Variants in KHDRBS3 observed in about 807,000 individuals in gnomAD.
KHDRBS3 encodes the protein KH domain-containing, RNA-binding, signal transduction-associated protein 3.
Under a neutral mutation model 45.6 loss-of-function variants are expected in KHDRBS3, and 23 were observed. The ratio of observed to expected loss-of-function variants is 0.50; its 90% confidence interval spans 0.36 to 0.72. The LOEUF (loss-of-function observed/expected upper bound fraction) is 0.72. Ranked by LOEUF, KHDRBS3 falls within the 30% of genes least tolerant of loss-of-function variation. The probability of loss-of-function intolerance (pLI) is 0.00; values close to 1 mark genes in which losing one functional copy is unlikely to be tolerated. For synonymous variants in KHDRBS3, 162 were observed against 156.5 expected (o/e 1.04, Z -0.26); for missense variants, 352 against 424.8 (o/e 0.83, Z 1.51).
chr8:135,536,152 C>T (rs1825735639), intron 2 of KHDRBS3, among the ~76,000 whole-genome samples: 1 of 151,532 alleles, frequency 6.6e-6, no homozygotes, highest in African/African-American at 2.4e-5. Flanking sequence ...TTTATTTCTC[C>T]CTGTAGATTC....
At chr8:135,594,926 T>C (rs1407684962) in intron 6 of KHDRBS3, among the ~76,000 whole-genome samples, 1 of 152,216 alleles carries the variant, frequency 6.6e-6, no homozygotes, top group East Asian at 1.9e-4. Context: ...GGAAGACGTG[T>C]GTAAGAATCC....
At chr8:135,484,060 C>T (rs975917293) in intron 1 of KHDRBS3, among the ~76,000 whole-genome samples, 9 of 152,158 alleles carry the variant, frequency 5.9e-5, no homozygotes, top group Non-Finnish European at 8.8e-5. Flanking sequence ...TTTAACCCCT[C>T]ACTACCTACA....
At chr8:135,544,712 T>G (rs1222765128) in intron 3 of KHDRBS3, among the ~76,000 whole-genome samples, 1 of 152,218 alleles carries the variant, frequency 6.6e-6, no homozygotes, top group Non-Finnish European at 1.5e-5. Context: ...GACACCCTGA[T>G]TTTACATGAT....
At chr8:135,642,152 A>T (rs1281508993) in intron 7 of KHDRBS3, among the ~76,000 whole-genome samples, 2 of 152,194 alleles carry the variant, frequency 1.3e-5, no homozygotes, top group Non-Finnish European at 2.9e-5. Context: ...CAAACAAGAG[A>T]AGTTCTGGAA....
intron 3 of KHDRBS3, 95 bp downstream of exon 3, chr8:135,542,865 G>A: frequency 1.2e-6 from 1 of 851,128 alleles, no homozygotes; most frequent in Non-Finnish European, 1.9e-6. Context: ...TACATAAGGG[G>A]ATGTATTTGT....
chr8:135,481,460 A>G (rs1272934841), intron 1 of KHDRBS3, among the ~76,000 whole-genome samples: 1 of 151,582 alleles, frequency 6.6e-6, no homozygotes, highest in Non-Finnish European at 1.5e-5. Flanking sequence ...TCTCTGTCAC[A>G]CTGGATTGGA....
intron 7 of KHDRBS3, among the ~76,000 whole-genome samples, chr8:135,635,635 G>A (rs373657684): frequency 5.3e-5 from 8 of 152,232 alleles, no homozygotes; most frequent in African/African-American, 1.9e-4. Flanking sequence ...CACCTGCCTC[G>A]GTCTCCCAAA....
At chr8:135,574,362 A>G (rs933684957) in intron 5 of KHDRBS3, among the ~76,000 whole-genome samples, 1 of 152,242 alleles carries the variant, frequency 6.6e-6, no homozygotes, top group African/African-American at 2.4e-5. Flanking sequence ...AATATCTTTT[A>G]TAGATAAGCG....
intron 1 of KHDRBS3, among the ~76,000 whole-genome samples, chr8:135,490,229 C>T (rs1451186548): frequency 6.6e-6 from 1 of 152,190 alleles, no homozygotes; most frequent in Admixed American, 6.5e-5. Context: ...TGAAGTGACA[C>T]CTGACTGTTT....
chr8:135,464,039 A>G (rs1371845254), intron 1 of KHDRBS3, among the ~76,000 whole-genome samples: 1 of 152,212 alleles, frequency 6.6e-6, no homozygotes, highest in East Asian at 1.9e-4. Context: ...CTAAGGCTCA[A>G]AAACACTAAG....
intron 7 of KHDRBS3, among the ~76,000 whole-genome samples, chr8:135,615,234 G>A (rs1829869556): frequency 6.6e-6 from 1 of 151,522 alleles, no homozygotes; most frequent in African/African-American, 2.4e-5. Flanking sequence ...CTAAAGTTTA[G>A]CCAAGCAGAG....
downstream of KHDRBS3, among the ~76,000 whole-genome samples, chr8:135,648,327 A>G (rs760085463): frequency 8.5e-5 from 13 of 152,194 alleles, no homozygotes; most frequent in Non-Finnish European, 1.3e-4. Flanking sequence ...ATTACTCCCT[A>G]TTAAACAACT....
chr8:135,610,631 C>A (rs1169237483), intron 7 of KHDRBS3, among the ~76,000 whole-genome samples: 1 of 151,774 alleles, frequency 6.6e-6, no homozygotes, highest in Non-Finnish European at 1.5e-5. Flanking sequence ...AGGAGAAATT[C>A]ATTGTTTTCA....
chr8:135,528,971 T>A (rs186999346), intron 2 of KHDRBS3, among the ~76,000 whole-genome samples: 22 of 152,324 alleles, frequency 1.4e-4, no homozygotes, highest in Non-Finnish European at 2.8e-4. Context: ...CCATAGCAGC[T>A]GGCTAGTTGG....
At chr8:135,489,539 G>A (rs1212660880) in intron 1 of KHDRBS3, among the ~76,000 whole-genome samples, 6 of 152,170 alleles carry the variant, frequency 3.9e-5, no homozygotes, top group African/African-American at 1.4e-4. Flanking sequence ...TTAGCTGGAA[G>A]TGGTGGCACA....
chr8:135,515,437 G>C (rs893922141), intron 1 of KHDRBS3, among the ~76,000 whole-genome samples: 1 of 146,682 alleles, frequency 6.8e-6, no homozygotes, highest in African/African-American at 2.5e-5. Context: ...AGGGGTTGGA[G>C]TTTTATTGTT....
intron 1 of KHDRBS3, among the ~76,000 whole-genome samples, chr8:135,462,305 A>G (rs947465665): frequency 1.9e-4 from 28 of 150,638 alleles, no homozygotes; most frequent in African/African-American, 5.7e-4. Context: ...AGTTTTATAC[A>G]GTGTATTATG....
intron 1 of KHDRBS3, among the ~76,000 whole-genome samples, chr8:135,497,154 A>G (rs1299428019): frequency 6.6e-6 from 1 of 152,174 alleles, no homozygotes; most frequent in Non-Finnish European, 1.5e-5. Context: ...ATGAGCACAA[A>G]CAAGGCTTCA....
intron 4 of KHDRBS3, among the ~76,000 whole-genome samples, chr8:135,552,531 C>T (rs1312936940): frequency 6.6e-6 from 1 of 152,146 alleles, no homozygotes; most frequent in African/African-American, 2.4e-5. Context: ...TCACGTTTTC[C>T]TGTTTCTTTG....
Sources: gnomAD v4.1 joint callset for allele counts (sites outside exome capture counted in the v4.1 genomes callset) on GRCh38, gnomAD v4.1.1 for gene constraint, MANE v1.5 for transcripts, NCBI Gene and HGNC (gene_info 2026-07-23, HGNC 2026-07-21) for gene names.